CYP11B2: variants seen among roughly 807,000 people sequenced by gnomAD.
The protein encoded by CYP11B2 is cytochrome P450 family 11 subfamily B member 2.
CYP11B2 carries 38 observed loss-of-function variants against 49.3 expected under a neutral mutation model. That is an observed-to-expected ratio of 0.77 (90% CI 0.59 to 1.01). The LOEUF is 1.01. Among genes scored for constraint, CYP11B2 ranks in the 50% least tolerant of loss-of-function variants. The pLI, the probability that CYP11B2 is intolerant of heterozygous loss-of-function variation, is 0.00. For synonymous variants in CYP11B2, 290 were observed against 269.3 expected (o/e 1.08, Z -0.75); for missense variants, 669 against 655.5 (o/e 1.02, Z -0.23).
rs149682756 is a variant in CYP11B2 at position 142,914,706 on chromosome 8, G to A, written c.798C>T (p.Tyr266=). The part of the protein sequence containing the change: ...HFEAWDCIFQ[Y]GDNCIQKIYQ... ...CACTGCCCGGGTCCCTGGCCTCACC[G>A]TACTGGAAGATGCAGTCCCAGGCCT... The change falls in exon 4 of 9, where the codon TAC becomes TAT. Residue 266 remains tyrosine, a splice_region_variant and synonymous_variant. Coordinates refer to ENST00000323110, the MANE Select transcript of CYP11B2 (RefSeq NM_000498.3). The A allele has an allele frequency of 5.8e-4, 938 of 1,604,840 alleles. 11 individuals carry two copies. The African/African-American group carries it at 0.011, about 18-fold the overall frequency.
At chr8:142,913,497 C>A in intron 5 of CYP11B2, 46 bp from the exon 6 acceptor site, 1 of 1,613,276 alleles carries the variant, frequency 6.2e-7, no homozygotes, top group South Asian at 1.1e-5. Context: ...CAGGAGGACT[C>A]AGCCCCCGGG....
Position 142,911,839 on chromosome 8 carries a change from TGG to T in CYP11B2, c.*139_*140del, listed in dbSNP as rs938517162. ...TGGCAAGCCCCAGTCCTGGAGGCCC[TGG>T]GGAGTTCCATTTGTGCAGGAGCTGG... On this transcript the variant is annotated 3_prime_UTR_variant, in exon 9 of 9. Coordinates refer to ENST00000323110, the MANE Select transcript of CYP11B2 (RefSeq NM_000498.3). 3.8e-6 allele frequency: 5 copies of T among 1,322,992 alleles called. No individual in the cohort carries two copies. The highest frequency in any genetic ancestry group is 5.2e-6 in the Non-Finnish European group (5 of 956,762). 82.0% of individuals were successfully genotyped at this position (1,322,992 alleles called of 1,614,324 possible). A position where few individuals can be genotyped will look rare whatever the true frequency, so the allele number is the denominator to read the frequency against.
At chr8:142,913,188 G>A (rs1000921788) in intron 6 of CYP11B2, 97 bp downstream of exon 6, 75 of 1,352,462 alleles carry the variant, frequency 5.5e-5, no homozygotes, top group East Asian at 7.2e-5. Context: ...GCTGGGTGAC[G>A]CTGTTTATCA....
chr8:142,911,873 A>G lies in CYP11B2; in HGVS notation c.*107T>C. 1 of 1,546,044 alleles carries G rather than the reference A, an allele frequency of 6.5e-7. No individual in the cohort carries two copies. Among genetic ancestry groups the G allele is most frequent in the East Asian group, 2.3e-5 (1 of 43,308 alleles). On this transcript the variant is annotated 3_prime_UTR_variant, in exon 9 of 9. Coordinates refer to ENST00000323110, the MANE Select transcript of CYP11B2 (RefSeq NM_000498.3). Reference sequence around the variant, plus strand: ...CCATTTGTGCAGGAGCTGGCTGGACAGAGGGGTGACTCAGGAAGCTGTGCA... The same window carrying G: ...CCATTTGTGCAGGAGCTGGCTGGACGGAGGGGTGACTCAGGAAGCTGTGCA...
Position 142,917,054 on chromosome 8 carries a change from C to T in CYP11B2, c.395+5G>A. 1 of 1,614,164 alleles carries T rather than the reference C, an allele frequency of 6.2e-7. No individual in the cohort carries two copies. Among genetic ancestry groups the T allele is most frequent in the Non-Finnish European group, 8.5e-7 (1 of 1,180,022 alleles). On this transcript the variant is annotated splice_donor_5th_base_variant and intron_variant, in intron 2 of 8. Coordinates refer to ENST00000323110, the MANE Select transcript of CYP11B2 (RefSeq NM_000498.3). Reference sequence around the variant, plus strand: ...CCAGCTCTCAGCTCCCAACTCGCCGCTTACAACAAGAACACGCCACATTTG... The same window carrying T: ...CCAGCTCTCAGCTCCCAACTCGCCGTTTACAACAAGAACACGCCACATTTG...
intron 2 of CYP11B2, among the ~76,000 whole-genome samples, chr8:142,915,589 AAGG>A (rs1248246169): frequency 7.7e-6 from 1 of 129,920 alleles, no homozygotes; most frequent in East Asian, 2.0e-4. Flanking sequence ...TTCTCCAAGA[AAGG>A]AGGTGACCCC....
intron 4 of CYP11B2, 117 bp from the exon 5 acceptor site, chr8:142,914,535 T>C (rs1297109568): frequency 3.0e-5 from 43 of 1,436,434 alleles, no homozygotes; most frequent in Middle Eastern, 4.3e-4. Context: ...TCCCAAATTC[T>C]CCGGATCAGC....
chr8:142,917,325 C>T lies in CYP11B2; in HGVS notation c.240-111G>A, dbSNP rs533455894. ...TCCACCCTCCCTGCTCCTGGATTAG[C>T]GGCTTCACAGCTAAAGCCCTCCTGC... is the stretch of plus-strand genomic sequence containing the variant. On this transcript the variant is annotated intron_variant, in intron 1 of 8. Coordinates refer to ENST00000323110, the MANE Select transcript of CYP11B2 (RefSeq NM_000498.3). The T allele has an allele frequency of 9.8e-6, 14 of 1,433,318 alleles. No individual in the cohort carries two copies. In the East Asian group the frequency reaches 1.8e-4, roughly 19 times the overall value. 88.8% of individuals were successfully genotyped at this position (1,433,318 alleles called of 1,614,324 possible).
Position 142,913,037 on chromosome 8 carries a change from C to G in CYP11B2, c.1122-152G>C, listed in dbSNP as rs550620269. On this transcript the variant is annotated intron_variant, in intron 6 of 8. Coordinates refer to ENST00000323110, the MANE Select transcript of CYP11B2 (RefSeq NM_000498.3). ...CTTCCTTGCACCTGCTGAGCCCAGC[C>G]AAACCTCCCCTAACTTGAGAAGCCC... The G allele has an allele frequency of 7.3e-5, 66 of 906,236 alleles. 2 individuals carry two copies. The South Asian group carries it at 1.0e-3, about 14-fold the overall frequency. The allele number at this position is 906,236 out of a possible 1,614,324, so 56.1% of individuals were successfully genotyped here. A position where few individuals can be genotyped will look rare whatever the true frequency, so the allele number is the denominator to read the frequency against.
chr8:142,914,733 A>C lies in CYP11B2; in HGVS notation c.771T>G (p.Phe257Leu). 1.2e-6 allele frequency: 2 copies of C among 1,612,468 alleles called. No homozygotes were observed. The highest frequency in any genetic ancestry group is 1.7e-6 in the Non-Finnish European group (2 of 1,179,520). ...ACTGGAAGATGCAGTCCCAGGCCTCAAAGTGCTCCTTCCACACCTTGGGGC... is the reference window on the plus strand; with the variant it reads ...ACTGGAAGATGCAGTCCCAGGCCTCCAAGTGCTCCTTCCACACCTTGGGGC... ...WISPKVWKEHFEAWDCIFQYG... is the reference protein window; with the variant it reads ...WISPKVWKEHLEAWDCIFQYG... Residue 257 changes from phenylalanine (F) to leucine (L), a missense_variant, in exon 4 of 9, where the codon TTT (phenylalanine) becomes TTG (leucine). Physicochemically the swap from Phe to Leu is conservative, Grantham distance 22. Coordinates refer to ENST00000323110, the MANE Select transcript of CYP11B2 (RefSeq NM_000498.3).
At chr8:142,913,171 A>G in intron 6 of CYP11B2, 114 bp downstream of exon 6, 8 of 1,196,362 alleles carry the variant, frequency 6.7e-6, no homozygotes, top group Admixed American at 2.0e-5. Flanking sequence ...GTGCAGGGGA[A>G]TGGGCTGCTG....
rs1817519393 is a variant in CYP11B2 at position 142,910,811 on chromosome 8, C to T, written c.*1169G>A. 6.6e-6 allele frequency: 1 copy of T among 152,162 alleles called. No individual in the cohort carries two copies. Among genetic ancestry groups the T allele is most frequent in the Non-Finnish European group, 1.5e-5 (1 of 68,046 alleles). The allele number at this position is 152,162 out of a possible 1,614,324, so 9.4% of individuals were successfully genotyped here. A position where few individuals can be genotyped will look rare whatever the true frequency, so the allele number is the denominator to read the frequency against. ...CTGGAATGATTACCTAAGTATTTCCCCTTTCATGGGGGAACAAACGCTCTG... is the reference window on the plus strand; with the variant it reads ...CTGGAATGATTACCTAAGTATTTCCTCTTTCATGGGGGAACAAACGCTCTG... On this transcript the variant is annotated 3_prime_UTR_variant, in exon 9 of 9. Transcript: ENST00000323110. The surrounding 1 kb of genome is among the most constrained non-coding windows in gnomAD (Gnocchi z 4.6).
Position 142,911,931 on chromosome 8 carries a change from G to A in CYP11B2, c.*49C>T. The A allele has an allele frequency of 6.2e-7, 1 of 1,613,316 alleles. No homozygotes were observed. On this transcript the variant is annotated 3_prime_UTR_variant, in exon 9 of 9. Coordinates refer to ENST00000323110, the MANE Select transcript of CYP11B2 (RefSeq NM_000498.3). ...GAGAAGACAGGTGGCCTGGGGTCAG[G>A]CAGAGGGAAGCTGGTGGCCAGGCTG...
At position 142,912,560 on chromosome 8, in the gene CYP11B2, T is replaced by C. The variant is rs1387015546; in HGVS notation, c.1368A>G (p.Ala456=). ...GMRQCLGRRL[A]EAEMLLLLHH... ...GCAGCAGCAGCAGCATCTCTGCCTCTGCCAGGCGCCGCCCGAGGCACTGGC... is the reference window on the plus strand; with the variant it reads ...GCAGCAGCAGCAGCATCTCTGCCTCCGCCAGGCGCCGCCCGAGGCACTGGC... Residue 456 remains alanine (A), a synonymous_variant, in exon 8 of 9, where the codon GCA becomes GCG. Coordinates refer to ENST00000323110, the MANE Select transcript of CYP11B2 (RefSeq NM_000498.3). The C allele has an allele frequency of 6.2e-7, 1 of 1,612,712 alleles. No homozygotes were observed. Among genetic ancestry groups the C allele is most frequent in the Admixed American group, 1.7e-5 (1 of 59,994 alleles).
Position 142,911,902 on chromosome 8 carries a change from G to C in CYP11B2, c.*78C>G. ...GGGTGACTCAGGAAGCTGTGCACGTGGGAGAGAAGACAGGTGGCCTGGGGT... is the reference window on the plus strand; with the variant it reads ...GGGTGACTCAGGAAGCTGTGCACGTCGGAGAGAAGACAGGTGGCCTGGGGT... On this transcript the variant is annotated 3_prime_UTR_variant, in exon 9 of 9. Transcript: ENST00000323110. The C allele has an allele frequency of 1.9e-6, 3 of 1,605,590 alleles. No homozygotes were observed. Among genetic ancestry groups the C allele is most frequent in the Non-Finnish European group, 2.6e-6 (3 of 1,175,216 alleles).
At chr8:142,912,421 G>T in intron 8 of CYP11B2, 109 bp downstream of exon 8, 1 of 1,243,738 alleles carries the variant, frequency 8.0e-7, no homozygotes, top group Non-Finnish European at 1.1e-6. Flanking sequence ...ACCAACCAAG[G>T]CCCCATCCAC....
chr8:142,912,097 G>C lies in CYP11B2; in HGVS notation c.1399-4C>G. 6.2e-7 allele frequency: 1 copy of C among 1,613,976 alleles called. No homozygotes were observed. The highest frequency in any genetic ancestry group is 8.5e-7 in the Non-Finnish European group (1 of 1,179,924). On this transcript the variant is annotated splice_region_variant and splice_polypyrimidine_tract_variant and intron_variant, in intron 8 of 8. Coordinates refer to ENST00000323110, the MANE Select transcript of CYP11B2 (RefSeq NM_000498.3). Reference sequence around the variant, plus strand: ...CCACCAGGAAGTGCTTCAGCACCTAGGACAGAGGCTGGGTTTCCATCTGGC... The same window carrying C: ...CCACCAGGAAGTGCTTCAGCACCTACGACAGAGGCTGGGTTTCCATCTGGC...
chr8:142,911,710 G>C lies in CYP11B2; in HGVS notation c.*270C>G. On this transcript the variant is annotated 3_prime_UTR_variant, in exon 9 of 9. Transcript: ENST00000323110. ...GGGAGTAGAGTCAAGCTGTCCAGAG[G>C]GCACTGCTTGCTGGAGAAGGGGCCA... 1 of 508,504 alleles carries C rather than the reference G, an allele frequency of 2.0e-6. No individual in the cohort carries two copies. The highest frequency in any genetic ancestry group is 3.7e-5 in the East Asian group (1 of 27,348). 31.5% of individuals were successfully genotyped at this position (508,504 alleles called of 1,614,324 possible). A position where few individuals can be genotyped will look rare whatever the true frequency, so the allele number is the denominator to read the frequency against.
intron 1 of CYP11B2, 148 bp from the exon 2 acceptor site, chr8:142,917,362 A>G: frequency 7.1e-7 from 1 of 1,416,570 alleles, no homozygotes; most frequent in Non-Finnish European, 9.8e-7. Flanking sequence ...GGCTCCCTGG[A>G]ACCTTTCAAC....
Sources: gnomAD v4.1 joint callset for allele counts (sites outside exome capture counted in the v4.1 genomes callset) on GRCh38, gnomAD v4.1.1 for gene constraint, Gnocchi (gnomAD v3.1) non-coding constraint, MANE v1.5 for transcripts, NCBI Gene and HGNC (gene_info 2026-07-23, HGNC 2026-07-21) for gene names.